The following KYNU variants were observed in gnomAD, a reference collection of about 807,000 sequenced individuals.
KYNU encodes kynureninase, also known as L-kynurenine hydrolase.
In KYNU, 54 loss-of-function variants were observed where a neutral mutation model predicts 59.2. The ratio of observed to expected loss-of-function variants is 0.91; its 90% CI spans 0.73 to 1.14. The LOEUF is 1.14. KYNU is among the 50% of genes most tolerant of loss of function. The probability of loss-of-function intolerance (pLI) is 0.00; values close to 1 mark genes in which losing one functional copy is unlikely to be tolerated. For synonymous variants in KYNU, 177 were observed against 192.0 expected, an observed-to-expected ratio of 0.92 and a Z score of 0.65; for missense variants, 567 against 554.4, an observed-to-expected ratio of 1.02 and a Z score of -0.23.
intron 10 of KYNU, among the ~76,000 whole-genome samples, chr2:143,002,304 A>G (rs1685727302): frequency 6.6e-6 from 1 of 152,234 alleles, no homozygotes; most frequent in South Asian, 2.1e-4. Flanking sequence ...ACTTCAGTAA[A>G]TAAAACATTA....
intron 12 of KYNU, among the ~76,000 whole-genome samples, chr2:143,036,764 C>T (rs909374957): frequency 2.0e-5 from 3 of 152,304 alleles, no homozygotes; most frequent in South Asian, 2.1e-4. Context: ...GGATGACAGA[C>T]GTGAACCACT....
At chr2:142,907,484 T>C (rs1682339364) in intron 2 of KYNU, among the ~76,000 whole-genome samples, 1 of 152,120 alleles carries the variant, frequency 6.6e-6, no homozygotes, top group African/African-American at 2.4e-5. Context: ...TGGGAGTCAA[T>C]GGCGGGTCTG....
intron 2 of KYNU, among the ~76,000 whole-genome samples, chr2:142,895,396 G>A (rs1171966060): frequency 6.6e-6 from 1 of 152,094 alleles, no homozygotes; most frequent in East Asian, 1.9e-4. Flanking sequence ...TTTAGTCTTT[G>A]GAGACTGGTT....
intron 3 of KYNU, among the ~76,000 whole-genome samples, chr2:142,923,642 A>G (rs895624292): frequency 1.3e-5 from 2 of 152,210 alleles, no homozygotes; most frequent in African/African-American, 2.4e-5. Flanking sequence ...ACAGAAGGAT[A>G]TATCAGTCCT....
rs1297259107 is a variant in KYNU, at chr2:143,051,228, AT to A, written c.*9057del. ...TCTTGAGTCCTTTTGACATGACCCT[AT>A]CTATTTTTGATAACTTCATAGCCTT... On this transcript the variant is annotated 3_prime_UTR_variant, in exon 14 of 14. Coordinates refer to ENST00000264170, the MANE Select transcript of KYNU (RefSeq NM_003937.3). 2.6e-5 allele frequency: 4 copies of A among 152,082 alleles called. No individual in the cohort carries two copies. The highest frequency in any genetic ancestry group is 9.7e-5 in the African/African-American group (4 of 41,426). The allele number at this position is 152,082 out of a possible 1,614,324, so 9.4% of individuals were successfully genotyped here.
At chr2:142,948,736 G>A (rs1683882965) in intron 4 of KYNU, among the ~76,000 whole-genome samples, 1 of 152,180 alleles carries the variant, frequency 6.6e-6, no homozygotes, top group Non-Finnish European at 1.5e-5. Context: ...AGATTCGGGT[G>A]GGGACACAAC....
intron 5 of KYNU, among the ~76,000 whole-genome samples, chr2:142,955,805 A>G (rs1437091566): frequency 6.6e-6 from 1 of 152,104 alleles, no homozygotes; most frequent in East Asian, 1.9e-4. Context: ...CAAATAAGAC[A>G]TACATAGACC....
chr2:143,015,437 G>A lies in KYNU; in HGVS notation c.903-14190G>A, dbSNP rs540845472. Reference sequence around the variant, plus strand: ...CTCAGGCGCCAAGTAGAGTGAATAAGTGTGTGGTAATTATTCACAGTGTCA... The same window carrying A: ...CTCAGGCGCCAAGTAGAGTGAATAAATGTGTGGTAATTATTCACAGTGTCA... On this transcript the variant is annotated intron_variant, in intron 10 of 13. Coordinates refer to ENST00000264170, the MANE Select transcript of KYNU (RefSeq NM_003937.3). Among the ~76,000 whole-genome samples the A allele has an allele frequency of 2.0e-5, 3 of 152,244 alleles. No homozygotes were observed. In the South Asian group the frequency reaches 6.2e-4, roughly 32 times the overall value.
At chr2:142,928,662 A>T (rs1450547443) in intron 4 of KYNU, among the ~76,000 whole-genome samples, 1 of 152,110 alleles carries the variant, frequency 6.6e-6, no homozygotes, top group Non-Finnish European at 1.5e-5. Flanking sequence ...TTTAAAAAGT[A>T]ATTATTGATT....
Position 143,055,023 on chromosome 2 carries a change from A to ATATAGAAATG in KYNU, c.*12855_*12856insGAAATGTATA, listed in dbSNP as rs1687330841. 6.6e-6 allele frequency: 1 copy of ATATAGAAATG among 152,198 alleles called. No homozygotes were observed. Among genetic ancestry groups the ATATAGAAATG allele is most frequent in the Non-Finnish European group, 1.5e-5 (1 of 68,028 alleles). 9.4% of individuals were successfully genotyped at this position (152,198 alleles called of 1,614,324 possible). A position where few individuals can be genotyped will look rare whatever the true frequency, so the allele number is the denominator to read the frequency against. ...AGAAGCTATTCATATTTCTATATAT[A>ATATAGAAATG]TATACCAAGTACATAGGAGTGAAAT... is the stretch of plus-strand genomic sequence containing the variant. On this transcript the variant is annotated 3_prime_UTR_variant, in exon 14 of 14. Coordinates refer to ENST00000264170, the MANE Select transcript of KYNU (RefSeq NM_003937.3).
chr2:143,029,784 T>A, intron 11 of KYNU, 105 bp downstream of exon 11: 1 of 713,292 alleles, frequency 1.4e-6, no homozygotes, highest in Admixed American at 2.1e-5. Context: ...GAGAGTGCAC[T>A]TCAAAAATGT....
At chr2:142,996,430 G>A (rs767754153) in intron 10 of KYNU, among the ~76,000 whole-genome samples, 39 of 152,024 alleles carry the variant, frequency 2.6e-4, no homozygotes, top group Admixed American at 2.3e-3. Flanking sequence ...TGTTGCCCAC[G>A]CTGGTCTGTT....
chr2:142,950,651 T>C (rs1158004412), intron 4 of KYNU, among the ~76,000 whole-genome samples: 1 of 152,168 alleles, frequency 6.6e-6, no homozygotes, highest in African/African-American at 2.4e-5. Context: ...CAAGATGAGA[T>C]TTGAGTGGGG....
chr2:143,017,434 C>CTTTTTTTTTTTTTTTTTTTTTTTTTT (rs1184177776), intron 10 of KYNU, among the ~76,000 whole-genome samples: 1 of 68,448 alleles, frequency 1.5e-5, no homozygotes, highest in Non-Finnish European at 2.6e-5. Flanking sequence ...TCTCTTTTTT[C>CTTTTTTTTTTTTTTTTTTTTTTTTTT]TTTTTTTTTT....
At chr2:143,002,995 C>T (rs1237713837) in intron 10 of KYNU, among the ~76,000 whole-genome samples, 1 of 152,150 alleles carries the variant, frequency 6.6e-6, no homozygotes, top group Non-Finnish European at 1.5e-5. Context: ...GAACTCCTTC[C>T]TTATTTCCTC....
At chr2:142,899,184 G>A (rs186819270) in intron 2 of KYNU, among the ~76,000 whole-genome samples, 1 of 152,260 alleles carries the variant, frequency 6.6e-6, no homozygotes, top group Admixed American at 6.5e-5. Context: ...AGATTTAATA[G>A]AGTGAAAACA....
intron 12 of KYNU, among the ~76,000 whole-genome samples, chr2:143,036,209 A>G (rs1298792571): frequency 2.0e-5 from 3 of 151,910 alleles, no homozygotes; most frequent in East Asian, 1.9e-4. Context: ...ACGCAAATTT[A>G]ATTTATTTAG....
intron 1 of KYNU, among the ~76,000 whole-genome samples, chr2:142,883,774 C>T (rs1681391558): frequency 6.6e-6 from 1 of 152,196 alleles, no homozygotes; most frequent in South Asian, 2.1e-4. Context: ...GCTGTTTCCT[C>T]ATAGCTCTTA....
intron 2 of KYNU, among the ~76,000 whole-genome samples, chr2:142,902,090 G>A (rs1461629200): frequency 6.6e-6 from 1 of 152,164 alleles, no homozygotes; most frequent in Non-Finnish European, 1.5e-5. Flanking sequence ...CAGTGAGTAT[G>A]CTGTTTACAT....
Sources: gnomAD v4.1 joint callset for allele counts (sites outside exome capture counted in the v4.1 genomes callset) on GRCh38, gnomAD v4.1.1 for gene constraint, MANE v1.5 for transcripts, NCBI Gene and HGNC (gene_info 2026-07-23, HGNC 2026-07-21) for gene names.